SORBS3: variants seen among roughly 807,000 people sequenced by gnomAD.
SORBS3 encodes vinexin.
SORBS3 carries 69 observed loss-of-function variants against 98.0 expected under a neutral mutation model. The observed-to-expected ratio is 0.70, with a 90% CI of 0.58 to 0.86. The LOEUF is 0.86. SORBS3 is among the 40% of genes least tolerant of loss of function. The pLI, the probability that SORBS3 is intolerant of heterozygous loss-of-function variation, is 0.00. For synonymous variants in SORBS3, 394 were observed against 355.4 expected, an observed-to-expected ratio of 1.11 and a Z score of -1.22; for missense variants, 954 against 908.5, an observed-to-expected ratio of 1.05 and a Z score of -0.64.
chr8:22,566,328 C>A lies in SORBS3; in HGVS notation c.951-17C>A. The A allele has an allele frequency of 6.2e-7, 1 of 1,610,946 alleles. No homozygotes were observed. The highest frequency in any genetic ancestry group is 1.1e-5 in the South Asian group (1 of 90,752). On this transcript the variant is annotated splice_polypyrimidine_tract_variant and intron_variant, in intron 12 of 20. Transcript: ENST00000240123. ...CGGAGCCCCAGGCTGGAGGCTCAGT[C>A]TCTGTGCCCCGTGCAGCCCGGCCTC...
chr8:22,552,006 C>T lies in SORBS3; in HGVS notation c.-72C>T. 1 of 984,800 alleles carries T rather than the reference C, an allele frequency of 1.0e-6. No individual in the cohort carries two copies. The highest frequency in any genetic ancestry group is 5.2e-4 in the Middle Eastern group (1 of 1,910). The allele number at this position is 984,800 out of a possible 1,614,324, so 61.0% of individuals were successfully genotyped here. ...TCCCGGGCGGCCTCGGGCCCAGCCA[C>T]CTGCTCGCCGGGGAAGGTAGGTCCG... On this transcript the variant is annotated 5_prime_UTR_variant, in exon 1 of 21. Coordinates refer to ENST00000240123, the MANE Select transcript of SORBS3 (RefSeq NM_005775.5).
rs182555024 is a variant in SORBS3 at position 22,575,145 on chromosome 8, G to C, written c.*417G>C. The C allele has an allele frequency of 6.1e-4, 200 of 326,286 alleles. No homozygotes were observed. Among genetic ancestry groups the C allele is most frequent in the Middle Eastern group, 5.3e-3 (5 of 938 alleles). 20.2% of individuals were successfully genotyped at this position (326,286 alleles called of 1,614,324 possible). On this transcript the variant is annotated 3_prime_UTR_variant, in exon 21 of 21. Coordinates refer to ENST00000240123, the MANE Select transcript of SORBS3 (RefSeq NM_005775.5). Reference sequence around the variant, plus strand: ...CCTAGCCTCGTAGAGACCAAAGGCCGCCCCCGCCTGCTGGGGTTCCTCCCA... The same window carrying C: ...CCTAGCCTCGTAGAGACCAAAGGCCCCCCCCGCCTGCTGGGGTTCCTCCCA...
chr8:22,567,190 C>A lies in SORBS3; in HGVS notation c.1305+15C>A. ...ATTATGTGGAGGTGAGCAGGAGAGA[C>A]AAGAGCAAGTGGGGCTGGGCTGGGA... On this transcript the variant is annotated intron_variant, in intron 16 of 20. Coordinates refer to ENST00000240123, the MANE Select transcript of SORBS3 (RefSeq NM_005775.5). 33 of 1,385,862 alleles carry A rather than the reference C, an allele frequency of 2.4e-5. No homozygotes were observed. Among genetic ancestry groups the A allele is most frequent in the African/African-American group, 4.2e-5 (3 of 70,760 alleles). 85.8% of individuals were successfully genotyped at this position (1,385,862 alleles called of 1,614,324 possible).
rs1253990547 is a variant in SORBS3 at position 22,566,400 on chromosome 8, C to G, written c.1006C>G (p.Arg336Gly). 2.5e-6 allele frequency: 4 copies of G among 1,614,092 alleles called. No individual in the cohort carries two copies. The Admixed American group carries it at 5.0e-5, about 20-fold the overall frequency. ...ACATGCACCTTACCTGGGTTCCGCC[C>G]GGTCCCTGAGTCCCCACAAAATGGC... ...YPHAPYLGSA[R>G]SLSPHKMADG... Residue 336 changes from arginine (R) to glycine (G), a missense_variant, in exon 13 of 21, where the codon CGG becomes GGG. Arg to Gly is a moderately radical substitution (Grantham distance 125). Coordinates refer to ENST00000240123, the MANE Select transcript of SORBS3 (RefSeq NM_005775.5).
intron 5 of SORBS3, among the ~76,000 whole-genome samples, chr8:22,560,071 A>AG (rs1840261748): frequency 6.6e-6 from 1 of 151,872 alleles, no homozygotes; most frequent in Non-Finnish European, 1.5e-5. Flanking sequence ...AAAAAAAAAA[A>AG]AGAAGAGAGA....
At position 22,564,338 on chromosome 8, in the gene SORBS3, A is replaced by G. The variant is rs748136701; in HGVS notation, c.731A>G (p.Gln244Arg). 9.9e-6 allele frequency: 16 copies of G among 1,613,852 alleles called. No individual in the cohort carries two copies. The Admixed American group carries it at 2.5e-4, about 25-fold the overall frequency. Residue 244 changes from glutamine to arginine, a missense_variant, in exon 9 of 21, where the codon CAG (glutamine) becomes CGG (arginine). Physicochemically the swap from Gln to Arg is conservative, Grantham distance 43. Coordinates refer to ENST00000240123, the MANE Select transcript of SORBS3 (RefSeq NM_005775.5). ...GTCTGGACGGAAGAGTCCTGGAACC[A>G]GTTTCTGCAGGAACTAGAGACTGGG... ...DNVWTEESWN[Q>R]FLQELETGQR... is the part of the protein sequence containing the mutation.
chr8:22,566,544 GC>G, intron 13 of SORBS3, 60 bp downstream of exon 13: 1 of 1,593,120 alleles, frequency 6.3e-7, no homozygotes, highest in East Asian at 2.2e-5. Context: ...GCATGTTGGT[GC>G]CCCAGGGGTG....
chr8:22,556,908 C>T lies in SORBS3; in HGVS notation c.414C>T (p.Ser138=), dbSNP rs767637494. Residue 138 remains serine, a splice_region_variant and synonymous_variant, in exon 4 of 21, where the codon TCC becomes TCT. Coordinates refer to ENST00000240123, the MANE Select transcript of SORBS3 (RefSeq NM_005775.5). The part of the protein sequence containing the change: ...DESGMPIAPR[S]SVDRPRDWYR... ...GCGGCATGCCCATTGCCCCCCGATC[C>T]GTGAGTCCAGGGCTGGGGGCCACGG... 1.7e-5 allele frequency: 27 copies of T among 1,612,326 alleles called. No homozygotes were observed. Among genetic ancestry groups the T allele is most frequent in the African/African-American group, 1.5e-4 (11 of 74,928 alleles).
rs1840613598 is a variant in SORBS3, at chr8:22,572,446, G to A, written c.1954G>A (p.Gly652Ser). Residue 652 changes from glycine to serine, a missense_variant and splice_region_variant, in exon 20 of 21, where the codon GGT becomes AGT. Gly to Ser is a moderately conservative substitution (Grantham distance 56). Coordinates refer to ENST00000240123, the MANE Select transcript of SORBS3 (RefSeq NM_005775.5). ...MQQCDDGWFV[G>S]VSRRTQKFGT... ...GCAGTGTGACGATGGCTGGTTTGTG[G>A]GTATGTGGGCAGGCCGGGAGGGGGC... 1.2e-6 allele frequency: 2 copies of A among 1,612,554 alleles called. No homozygotes were observed. The highest frequency in any genetic ancestry group is 1.3e-5 in the African/African-American group (1 of 74,894).
chr8:22,568,059 C>T (rs1586903531), intron 16 of SORBS3, among the ~76,000 whole-genome samples: 1 of 152,208 alleles, frequency 6.6e-6, no homozygotes, highest in East Asian at 1.9e-4. Context: ...TATACATTGG[C>T]CTGGCTGGTC....
At chr8:22,571,659 C>A in intron 18 of SORBS3, 59 bp from the exon 19 acceptor site, 1 of 1,345,920 alleles carries the variant, frequency 7.4e-7, no homozygotes, top group Non-Finnish European at 1.1e-6. Context: ...CTCCCTCAGG[C>A]TTACATGTAC....
intron 3 of SORBS3, 124 bp downstream of exon 3, chr8:22,555,104 C>T: frequency 1.3e-6 from 1 of 785,322 alleles, no homozygotes. Context: ...TGAGGAGGTT[C>T]CTCAGAGGCC....
In SORBS3 at chr8:22,572,429, A is replaced by G; in HGVS notation, c.1937A>G (p.Asp646Gly). The change falls in exon 20 of 21, where the codon GAC (aspartate) becomes GGC (glycine). Residue 646 changes from aspartate (D) to glycine (G), a missense_variant. Coordinates refer to ENST00000240123, the MANE Select transcript of SORBS3 (RefSeq NM_005775.5). ...AGGGTGGATGTCATGCAGCAGTGTG[A>G]CGATGGCTGGTTTGTGGGTATGTGG... is the stretch of plus-strand genomic sequence containing the variant. ...GDRVDVMQQC[D>G]DGWFVGVSRR... is the part of the protein sequence containing the mutation. 6.2e-7 allele frequency: 1 copy of G among 1,613,754 alleles called. No homozygotes were observed.
rs552863210 is a variant in SORBS3 at position 22,565,523 on chromosome 8, TAAATA to T, written c.903+175_903+179del. ...GGGCGCTGGCGGGCTCGCTCCTCCATAAATAAAATACAGGGCGTCGACTTTCGCAA... is the reference window on the plus strand; with the variant it reads ...GGGCGCTGGCGGGCTCGCTCCTCCATAAATACAGGGCGTCGACTTTCGCAA... On this transcript the variant is annotated intron_variant, in intron 11 of 20. Coordinates refer to ENST00000240123, the MANE Select transcript of SORBS3 (RefSeq NM_005775.5). 3.9e-5 allele frequency: 23 copies of T among 585,252 alleles called. No individual in the cohort carries two copies. The African/African-American group carries it at 4.3e-4, about 11-fold the overall frequency. The allele number at this position is 585,252 out of a possible 1,614,324, so 36.3% of individuals were successfully genotyped here.
chr8:22,552,476 C>T (rs1055012315), intron 1 of SORBS3, among the ~76,000 whole-genome samples: 2 of 152,208 alleles, frequency 1.3e-5, no homozygotes, highest in African/African-American at 2.4e-5. Flanking sequence ...GACCTGGCTG[C>T]CAAGAGAAGG....
chr8:22,574,182 CTCCTCT>C (rs2117313568), intron 20 of SORBS3, among the ~76,000 whole-genome samples: 1 of 152,306 alleles, frequency 6.6e-6, no homozygotes, highest in South Asian at 2.1e-4. Context: ...CCCCCCCCTC[CTCCTCT>C]TCAAGACACG....
chr8:22,572,344 C>A lies in SORBS3; in HGVS notation c.1852C>A (p.Arg618=), dbSNP rs150833167. Residue 618 remains arginine (R), a synonymous_variant, in exon 20 of 21, where the codon CGG becomes AGG. Coordinates refer to ENST00000240123, the MANE Select transcript of SORBS3 (RefSeq NM_005775.5). ...GCCATGATACGCTTCTCGCAGGTACCGGGCGATGTACCAGTACAGGCCCCA... is the reference window on the plus strand; with the variant it reads ...GCCATGATACGCTTCTCGCAGGTACAGGGCGATGTACCAGTACAGGCCCCA... ...NTSQIHWTPY[R]AMYQYRPQNE... The A allele has an allele frequency of 1.2e-6, 2 of 1,613,354 alleles. No individual in the cohort carries two copies. The highest frequency in any genetic ancestry group is 1.7e-6 in the Non-Finnish European group (2 of 1,179,354).
intron 11 of SORBS3, 139 bp downstream of exon 11, chr8:22,565,493 C>T: frequency 1.5e-6 from 1 of 664,614 alleles, no homozygotes; most frequent in Non-Finnish European, 2.2e-6. Context: ...GCCTCGGGCC[C>T]TCCTGGGCGC....
chr8:22,565,356 T>C lies in SORBS3; in HGVS notation c.903+2T>C. 1 of 1,548,404 alleles carries C rather than the reference T, an allele frequency of 6.5e-7. No homozygotes were observed. The highest frequency in any genetic ancestry group is 8.7e-7 in the Non-Finnish European group (1 of 1,146,352). On this transcript the variant is annotated splice_donor_variant, in intron 11 of 20. Transcript: ENST00000240123. LOFTEE classifies it high-confidence loss of function. ...GAGACCCGACTGCCGTCCCCCAAGG[T>C]ACCAGCCCCCAGGGTTCACCCGCGG...
Sources: allele counts gnomAD v4.1 joint callset (sites outside exome capture counted in the v4.1 genomes callset), GRCh38; gene constraint gnomAD v4.1.1; transcripts MANE v1.5; gene names NCBI Gene and HGNC (gene_info 2026-07-23, HGNC 2026-07-21).